Variants in SDK2 observed in about 807,000 individuals in gnomAD.
SDK2 encodes the protein protein sidekick-2.
In SDK2, 105 loss-of-function variants were observed where a neutral mutation model predicts 253.9. That is an observed-to-expected ratio of 0.41 (90% CI 0.35 to 0.49). The LOEUF is 0.49. SDK2 is among the 20% of genes least tolerant of loss of function. SDK2 has a pLI of 0.06. For missense variants in SDK2, 2,608 were observed against 3,003.0 expected (o/e 0.87, Z 3.07); for synonymous variants, 1,249 against 1,234.9 (o/e 1.01, Z -0.24).
rs190093175 is a variant in SDK2, at chr17:73,422,225, C to T, written c.2045+62G>A. The T allele has an allele frequency of 1.2e-4, 191 of 1,582,524 alleles. No individual in the cohort carries two copies. In the East Asian group the frequency reaches 3.2e-3, roughly 27 times the overall value. ...GAGCCAGAATCTGCCACATCGGTTT[C>T]GGCTGCAGCCCCTGCCTGTTGGAGT... On this transcript the variant is annotated intron_variant, in intron 15 of 44. Transcript: ENST00000392650.
intron 32 of SDK2, among the ~76,000 whole-genome samples, chr17:73,384,945 C>T (rs182182788): frequency 1.3e-5 from 2 of 152,366 alleles, no homozygotes; most frequent in Admixed American, 6.5e-5. Context: ...CACGTTGCTC[C>T]AGCCTCGTCC....
At chr17:73,386,961 T>C (rs1295293557) in intron 30 of SDK2, among the ~76,000 whole-genome samples, 2 of 151,768 alleles carry the variant, frequency 1.3e-5, no homozygotes, top group African/African-American at 4.8e-5. Flanking sequence ...TGAGATGGAG[T>C]CTTTTTTTGT....
intron 1 of SDK2, among the ~76,000 whole-genome samples, chr17:73,536,231 C>A (rs1262238910): frequency 1.3e-5 from 2 of 152,184 alleles, no homozygotes; most frequent in Non-Finnish European, 2.9e-5. Context: ...TCAGGTGATG[C>A]TGCTGCCCTA....
At chr17:73,615,393 C>T (rs570123887) in intron 1 of SDK2, among the ~76,000 whole-genome samples, 1 of 152,332 alleles carries the variant, frequency 6.6e-6, no homozygotes, top group Admixed American at 6.5e-5. Context: ...TCACCATAAG[C>T]CCTAGTCCCA....
intron 28 of SDK2, 67 bp downstream of exon 28, chr17:73,391,373 G>C: frequency 1.1e-6 from 1 of 903,818 alleles, no homozygotes. Flanking sequence ...TAACGAAGTG[G>C]CCTCCTTTGC....
intron 40 of SDK2, among the ~76,000 whole-genome samples, chr17:73,355,158 C>T (rs2062576145): frequency 2.2e-5 from 1 of 45,996 alleles, no homozygotes; most frequent in Non-Finnish European, 3.5e-5. Context: ...TCCTACACCT[C>T]CATATATATA....
Position 73,474,490 on chromosome 17 carries a change from C to T in SDK2, c.225-2272G>A, listed in dbSNP as rs184935375. On this transcript the variant is annotated intron_variant, in intron 2 of 44. Coordinates refer to ENST00000392650, the MANE Select transcript of SDK2 (RefSeq NM_001144952.2). ...TGCAGGGCTGACTCACAACTGGCCA[C>T]GTGCCAAGTTCGCTCTGGCTCTGCA... Among the ~76,000 whole-genome samples, 207 of 152,348 alleles carry T rather than the reference C, an allele frequency of 1.4e-3. 2 individuals are homozygous for T. The highest frequency in any genetic ancestry group is 0.012 in the Admixed American group (182 of 15,306).
chr17:73,415,719 G>A (rs1283908287), intron 17 of SDK2, 92 bp downstream of exon 17: 6 of 1,197,786 alleles, frequency 5.0e-6, no homozygotes, highest in Admixed American at 4.5e-5. Flanking sequence ...AAACTCCTGG[G>A]CTTGAGCAAT....
intron 1 of SDK2, among the ~76,000 whole-genome samples, chr17:73,551,813 G>T (rs1567838448): frequency 1.3e-5 from 2 of 152,002 alleles, no homozygotes; most frequent in East Asian, 3.9e-4. Context: ...ACCCCACCCC[G>T]CTGCTTTCCA....
chr17:73,369,679 G>C (rs551806342), intron 36 of SDK2, among the ~76,000 whole-genome samples: 1 of 152,182 alleles, frequency 6.6e-6, no homozygotes, highest in Non-Finnish European at 1.5e-5. Flanking sequence ...TGTTTTTTGA[G>C]ATGGAGTCTC....
chr17:73,489,826 T>A (rs1415463909), intron 2 of SDK2, among the ~76,000 whole-genome samples: 1 of 152,178 alleles, frequency 6.6e-6, no homozygotes, highest in Non-Finnish European at 1.5e-5. Context: ...ATCATCAATG[T>A]CTATTTCAAC....
intron 4 of SDK2, among the ~76,000 whole-genome samples, chr17:73,448,705 G>A (rs891769138): frequency 6.7e-6 from 1 of 149,308 alleles, no homozygotes; most frequent in Non-Finnish European, 1.5e-5. Flanking sequence ...TTGTTACCCA[G>A]GCTGAAGTGC....
At chr17:73,409,646 A>G (rs1406595953) in intron 18 of SDK2, among the ~76,000 whole-genome samples, 1 of 152,104 alleles carries the variant, frequency 6.6e-6, no homozygotes, top group East Asian at 1.9e-4. Context: ...AAAGGAAGAA[A>G]AAAAAAACAC....
At chr17:73,554,689 T>C (rs958435009) in intron 1 of SDK2, among the ~76,000 whole-genome samples, 1 of 152,356 alleles carries the variant, frequency 6.6e-6, no homozygotes, top group East Asian at 1.9e-4. Flanking sequence ...CACACTTCTG[T>C]GCAAATCTCT....
intron 2 of SDK2, among the ~76,000 whole-genome samples, chr17:73,506,231 C>T (rs965009788): frequency 6.6e-6 from 1 of 152,154 alleles, no homozygotes; most frequent in African/African-American, 2.4e-5. Flanking sequence ...AGGCTCTGGC[C>T]CCCAACTGAA....
chr17:73,344,294 C>A (rs540809658), intron 44 of SDK2, among the ~76,000 whole-genome samples: 1 of 152,274 alleles, frequency 6.6e-6, no homozygotes, highest in African/African-American at 2.4e-5. Context: ...CAATGTGTAC[C>A]CCTCCCCCCA....
chr17:73,425,076 C>T (rs567234770), intron 12 of SDK2, among the ~76,000 whole-genome samples: 16 of 152,190 alleles, frequency 1.1e-4, no homozygotes, highest in Admixed American at 2.0e-4. Flanking sequence ...AGAAATTTGC[C>T]GGGCGTGGTG....
At chr17:73,569,199 CTT>C (rs531392828) in intron 1 of SDK2, among the ~76,000 whole-genome samples, 17 of 137,498 alleles carry the variant, frequency 1.2e-4, no homozygotes, top group Non-Finnish European at 1.9e-4. Flanking sequence ...TCTTTCTTTT[CTT>C]TTTTTTTTTT....
At chr17:73,466,732 T>G (rs977304979) in intron 3 of SDK2, among the ~76,000 whole-genome samples, 5 of 107,224 alleles carry the variant, frequency 4.7e-5, no homozygotes, top group Non-Finnish European at 7.9e-5. Context: ...CCCCCCGGCT[T>G]AGGCTCTGCA....
Sources: gnomAD v4.1 joint callset for allele counts (sites outside exome capture counted in the v4.1 genomes callset) on GRCh38, gnomAD v4.1.1 for gene constraint, MANE v1.5 for transcripts, NCBI Gene and HGNC (gene_info 2026-07-23, HGNC 2026-07-21) for gene names.